PCNX2: variants seen among roughly 807,000 people sequenced by gnomAD.
The protein encoded by PCNX2 is pecanex 2.
A neutral mutation model predicts 223.8 loss-of-function variants in PCNX2; 168 were observed. The observed-to-expected ratio is 0.75, with a 90% CI of 0.66 to 0.85. The LOEUF is 0.85. PCNX2 is among the 40% of genes least tolerant of loss of function. The probability of loss-of-function intolerance (pLI) is 0.00; values close to 1 mark genes in which losing one functional copy is unlikely to be tolerated. For missense variants in PCNX2, 2,507 were observed against 2,675.5 expected, an observed-to-expected ratio of 0.94 and a Z score of 1.39; for synonymous variants, 1,006 against 1,052.6, an observed-to-expected ratio of 0.96 and a Z score of 0.86.
At chr1:233,024,932 C>G (rs1671028675) in intron 26 of PCNX2, among the ~76,000 whole-genome samples, 1 of 152,088 alleles carries the variant, frequency 6.6e-6, no homozygotes, top group Non-Finnish European at 1.5e-5. Context: ...CTTATTGGTG[C>G]CTAAGCTTAG....
chr1:233,227,195 C>G (rs374956436), intron 10 of PCNX2, 31 bp downstream of exon 10: 4 of 1,587,024 alleles, frequency 2.5e-6, no homozygotes, highest in Non-Finnish European at 3.4e-6. Flanking sequence ...GTGTGCCTTC[C>G]GACAGTGTGT....
Position 233,259,356 on chromosome 1 carries a change from C to G in PCNX2, c.518-12G>C. ...TAATAGAATGACACCTGAAATGACA[C>G]ATGGCAACTTTATTAGCATCAGAAA... On this transcript the variant is annotated splice_polypyrimidine_tract_variant and intron_variant, in intron 4 of 33. Coordinates refer to ENST00000258229, the MANE Select transcript of PCNX2 (RefSeq NM_014801.4). 1 of 1,592,216 alleles carries G rather than the reference C, an allele frequency of 6.3e-7. No individual in the cohort carries two copies. The highest frequency in any genetic ancestry group is 8.6e-7 in the Non-Finnish European group (1 of 1,167,456).
At chr1:233,112,909 C>CA in intron 21 of PCNX2, 1 of 1,289,242 alleles carries the variant, frequency 7.8e-7, no homozygotes, top group Non-Finnish European at 1.0e-6. Flanking sequence ...AGATGAACTG[C>CA]AGTAACTTGC....
intron 1 of PCNX2, among the ~76,000 whole-genome samples, chr1:233,281,036 G>C (rs1403485576): frequency 2.6e-5 from 4 of 152,166 alleles, no homozygotes; most frequent in Non-Finnish European, 5.9e-5. Context: ...CAGATATGCT[G>C]TTGTAAGAAG....
intron 7 of PCNX2, 162 bp from the exon 8 acceptor site, chr1:233,250,994 T>A: frequency 2.6e-6 from 1 of 386,020 alleles, no homozygotes; most frequent in Non-Finnish European, 3.5e-6. Flanking sequence ...AGAACATATA[T>A]CATGAGAAGT....
intron 19 of PCNX2, among the ~76,000 whole-genome samples, chr1:233,155,208 A>G (rs528122629): frequency 2.0e-5 from 3 of 152,126 alleles, no homozygotes; most frequent in Non-Finnish European, 4.4e-5. Flanking sequence ...TTCCTGCCTC[A>G]GCCTCCCAAG....
chr1:233,268,743 C>T (rs1660478558), intron 1 of PCNX2, among the ~76,000 whole-genome samples: 1 of 152,180 alleles, frequency 6.6e-6, no homozygotes. Flanking sequence ...AATTCCTCCC[C>T]ACTTCTTGGT....
intron 21 of PCNX2, among the ~76,000 whole-genome samples, chr1:233,109,941 A>G (rs1173725275): frequency 3.3e-5 from 5 of 152,110 alleles, no homozygotes; most frequent in Admixed American, 6.6e-5. Context: ...TATAAAAATT[A>G]GCCGGGCTGT....
chr1:233,135,303 C>A, intron 20 of PCNX2, 113 bp from the exon 21 acceptor site: 1 of 1,156,470 alleles, frequency 8.6e-7, no homozygotes. Flanking sequence ...TTTACAGGCA[C>A]AAAAAGCCAA....
At chr1:232,989,974 C>A (rs1669635525) in intron 32 of PCNX2, among the ~76,000 whole-genome samples, 1 of 152,212 alleles carries the variant, frequency 6.6e-6, no homozygotes, top group Non-Finnish European at 1.5e-5. Context: ...GATCTGGGAT[C>A]AGGGAATGTT....
chr1:233,097,518 G>A (rs892176224), intron 21 of PCNX2, among the ~76,000 whole-genome samples: 1 of 152,092 alleles, frequency 6.6e-6, no homozygotes. Context: ...GATTGATCTC[G>A]ATTGGTTTCC....
chr1:233,252,832 C>A (rs1288137807), intron 5 of PCNX2, 44 bp from the exon 6 acceptor site: 4 of 1,488,734 alleles, frequency 2.7e-6, no homozygotes, highest in South Asian at 2.7e-5. Context: ...TAAAATAAAT[C>A]AATGTGAAAA....
chr1:233,243,854 C>CT (rs1487288390), intron 8 of PCNX2, among the ~76,000 whole-genome samples: 1 of 151,478 alleles, frequency 6.6e-6, no homozygotes, highest in East Asian at 1.9e-4. Context: ...TTTTTTGAGA[C>CT]TGAGTCTTGC....
intron 21 of PCNX2, among the ~76,000 whole-genome samples, chr1:233,122,058 C>G (rs1371858138): frequency 6.8e-6 from 1 of 147,040 alleles, no homozygotes. Flanking sequence ...CCTGTAGTGA[C>G]AGAAAGTTAG....
chr1:233,295,596 CCGCCGT>C lies in PCNX2; in HGVS notation c.-124_-119del. 9.1e-7 allele frequency: 1 copy of C among 1,101,374 alleles called. No individual in the cohort carries two copies. The highest frequency in any genetic ancestry group is 4.4e-5 in the Admixed American group (1 of 22,940). 68.2% of individuals were successfully genotyped at this position (1,101,374 alleles called of 1,614,324 possible). The stretch of plus-strand genomic sequence containing the variant: ...GCGGGCCGCGCCCCCGCCGTCGCCG[CCGCCGT>C]CGCCCCCGCCGCCTCCTTCCACCCC... On this transcript the variant is annotated 5_prime_UTR_variant, in exon 1 of 34. Transcript: ENST00000258229. This position sits in a 1 kb window ranked among gnomAD's most constrained non-coding sequence, Gnocchi z 4.1.
Position 233,149,502 on chromosome 1 carries a change from G to A in PCNX2, c.3518-9647C>T, listed in dbSNP as rs143194192. Among the ~76,000 whole-genome samples the A allele has an allele frequency of 1.7e-3, 265 of 152,248 alleles. 1 individual carries two copies. The highest frequency in any genetic ancestry group is 6.1e-3 in the African/African-American group (254 of 41,548). On this transcript the variant is annotated intron_variant, in intron 19 of 33. Transcript: ENST00000258229. Reference sequence around the variant, plus strand: ...CAACTATCCCTGGTGTCACCCCTGAGGCATCTGAGGCAGAGAGACTCTGCA... The same window carrying A: ...CAACTATCCCTGGTGTCACCCCTGAAGCATCTGAGGCAGAGAGACTCTGCA...
Position 233,258,029 on chromosome 1 carries a change from T to C in PCNX2, c.1833A>G (p.Arg611=). ...AEQNEESGLL[R]DNCSQEKKEE... Reference sequence around the variant, plus strand: ...AACGGAAATGACATGGAATCGCACCTCGGAGAAGCCCACTTTCTTCATTCT... The same window carrying C: ...AACGGAAATGACATGGAATCGCACCCCGGAGAAGCCCACTTTCTTCATTCT... The change falls in exon 5 of 34, where the codon CGA becomes CGG. Residue 611 remains arginine, a splice_region_variant and synonymous_variant. Coordinates refer to ENST00000258229, the MANE Select transcript of PCNX2 (RefSeq NM_014801.4). 1 of 1,609,882 alleles carries C rather than the reference T, an allele frequency of 6.2e-7. No individual in the cohort carries two copies. The highest frequency in any genetic ancestry group is 8.5e-7 in the Non-Finnish European group (1 of 1,176,548).
At chr1:232,996,023 A>G (rs1669863608) in intron 32 of PCNX2, among the ~76,000 whole-genome samples, 1 of 151,980 alleles carries the variant, frequency 6.6e-6, no homozygotes, top group South Asian at 2.1e-4. Context: ...ACACCTGGCT[A>G]ATTTTTTGTT....
intron 23 of PCNX2, among the ~76,000 whole-genome samples, chr1:233,085,620 G>C (rs1673565205): frequency 6.6e-6 from 1 of 152,140 alleles, no homozygotes; most frequent in Non-Finnish European, 1.5e-5. Context: ...GTAGAAAATA[G>C]AATGGGAGAG....
Sources: gnomAD v4.1 joint callset for allele counts (sites outside exome capture counted in the v4.1 genomes callset) on GRCh38, gnomAD v4.1.1 for gene constraint, Gnocchi (gnomAD v3.1) non-coding constraint, MANE v1.5 for transcripts, NCBI Gene and HGNC (gene_info 2026-07-23, HGNC 2026-07-21) for gene names.